The following CCDC73 variants were observed in gnomAD, a reference collection of about 807,000 sequenced individuals.
CCDC73 encodes the protein coiled-coil domain-containing protein 73.
In CCDC73, 95 loss-of-function variants were observed where a neutral mutation model predicts 116.5. That is an observed-to-expected ratio of 0.82 (90% CI 0.69 to 0.97). CCDC73 has a LOEUF of 0.97. Among genes scored for constraint, CCDC73 ranks in the 50% least tolerant of loss-of-function variants. The pLI is 0.00. For missense variants in CCDC73, 1,066 were observed against 1,206.8 expected, an observed-to-expected ratio of 0.88 and a Z score of 1.73; for synonymous variants, 398 against 401.3, an observed-to-expected ratio of 0.99 and a Z score of 0.10.
intron 2 of CCDC73, among the ~76,000 whole-genome samples, chr11:32,719,471 C>A (rs925295084): frequency 6.6e-6 from 1 of 152,056 alleles, no homozygotes. Context: ...CAAATTAGTT[C>A]AAAGACACAC....
chr11:32,606,791 C>T (rs1307145596), intron 17 of CCDC73, among the ~76,000 whole-genome samples: 3 of 145,500 alleles, frequency 2.1e-5, no homozygotes, highest in Non-Finnish European at 4.5e-5. Context: ...GTTAAAAATT[C>T]TATAAAAATA....
intron 13 of CCDC73, among the ~76,000 whole-genome samples, chr11:32,637,943 C>G (rs1341771376): frequency 6.6e-6 from 1 of 152,160 alleles, no homozygotes; most frequent in African/African-American, 2.4e-5. Context: ...TTCTACAGTT[C>G]TCAAATTAAA....
chr11:32,618,122 A>C (rs1855491244), intron 14 of CCDC73, among the ~76,000 whole-genome samples: 1 of 152,020 alleles, frequency 6.6e-6, no homozygotes, highest in Admixed American at 6.6e-5. Flanking sequence ...TTATAAGAAA[A>C]TTGGTCTTTG....
At chr11:32,671,240 G>C (rs1364340363) in intron 9 of CCDC73, among the ~76,000 whole-genome samples, 1 of 151,968 alleles carries the variant, frequency 6.6e-6, no homozygotes, top group African/African-American at 2.4e-5. Flanking sequence ...CTCCTTGAGT[G>C]CTCTGACATT....
intron 2 of CCDC73, among the ~76,000 whole-genome samples, chr11:32,745,646 A>G (rs1029723363): frequency 6.0e-5 from 9 of 150,902 alleles, no homozygotes; most frequent in South Asian, 2.1e-4. Flanking sequence ...TCCCTTTACC[A>G]TTATGTAATG....
At chr11:32,665,102 T>A (rs1321189430) in intron 9 of CCDC73, among the ~76,000 whole-genome samples, 1 of 152,188 alleles carries the variant, frequency 6.6e-6, no homozygotes, top group African/African-American at 2.4e-5. Flanking sequence ...TTGGAATAAG[T>A]GTGATGTGGT....
chr11:32,640,876 G>T (rs919869261), intron 13 of CCDC73, among the ~76,000 whole-genome samples: 2 of 151,994 alleles, frequency 1.3e-5, no homozygotes, highest in Admixed American at 6.6e-5. Flanking sequence ...AATTAGCCGG[G>T]CGTGGTGGCG....
At chr11:32,693,135 A>T (rs1157328850) in intron 6 of CCDC73, among the ~76,000 whole-genome samples, 1 of 152,252 alleles carries the variant, frequency 6.6e-6, no homozygotes, top group Non-Finnish European at 1.5e-5. Context: ...TATGAGCTCC[A>T]TAAGAGAGGG....
At chr11:32,763,631 G>C (rs2133380045) in intron 1 of CCDC73, among the ~76,000 whole-genome samples, 1 of 152,238 alleles carries the variant, frequency 6.6e-6, no homozygotes. Context: ...CATCATCAAA[G>C]ACCAAAGGTA....
At chr11:32,626,578 A>C (rs894374197) in intron 14 of CCDC73, among the ~76,000 whole-genome samples, 1 of 152,216 alleles carries the variant, frequency 6.6e-6, no homozygotes, top group African/African-American at 2.4e-5. Context: ...TTCAAACTAT[A>C]CTACATGGCT....
chr11:32,618,661 T>C (rs984745799), intron 14 of CCDC73, among the ~76,000 whole-genome samples: 5 of 152,194 alleles, frequency 3.3e-5, no homozygotes, highest in Admixed American at 1.3e-4. Context: ...CAAGCAATTC[T>C]CCTGCCTCAG....
chr11:32,707,087 A>G (rs1849862294), intron 3 of CCDC73, among the ~76,000 whole-genome samples: 1 of 152,140 alleles, frequency 6.6e-6, no homozygotes, highest in South Asian at 2.1e-4. Context: ...CTAAACCTCT[A>G]CCTAAGTTTA....
chr11:32,739,739 A>G (rs1216070753), intron 2 of CCDC73, among the ~76,000 whole-genome samples: 1 of 152,120 alleles, frequency 6.6e-6, no homozygotes, highest in Non-Finnish European at 1.5e-5. Context: ...GTTGAATAAC[A>G]GTGGGCATCC....
At chr11:32,825,209 A>C in the CCDC73 span, among the ~76,000 whole-genome samples, 4 of 151,436 alleles carry the variant, frequency 2.6e-5, no homozygotes, top group African/African-American at 9.7e-5. Context: ...CCTGGTTGGT[A>C]TATTTCCTAA....
chr11:32,640,216 G>A (rs530419552), intron 13 of CCDC73, among the ~76,000 whole-genome samples: 3 of 152,102 alleles, frequency 2.0e-5, no homozygotes, highest in Non-Finnish European at 2.9e-5. Context: ...AAATCATAAT[G>A]GAAGCAAAAT....
chr11:32,628,984 A>G (rs1855603232), intron 14 of CCDC73, among the ~76,000 whole-genome samples: 1 of 152,200 alleles, frequency 6.6e-6, no homozygotes, highest in Non-Finnish European at 1.5e-5. Context: ...AACGAACCAA[A>G]TGGAAATTTT....
intron 2 of CCDC73, among the ~76,000 whole-genome samples, chr11:32,734,425 CT>C (rs34093038): frequency 0.032 from 4,253 of 131,330 alleles, 60 homozygotes; most frequent in Non-Finnish European, 0.044. Flanking sequence ...ATTTTTTTTT[CT>C]TTTTTTTTTT....
intron 1 of CCDC73, among the ~76,000 whole-genome samples, chr11:32,762,960 C>A (rs896291490): frequency 9.2e-5 from 14 of 152,314 alleles, no homozygotes; most frequent in African/African-American, 2.9e-4. Flanking sequence ...TATCCTGCGC[C>A]TGGCTCGGAG....
At chr11:32,693,776 A>T (rs1399130228) in intron 6 of CCDC73, among the ~76,000 whole-genome samples, 1 of 152,250 alleles carries the variant, frequency 6.6e-6, no homozygotes. Flanking sequence ...AAATCAATAA[A>T]CGTAATCCAT....
Sources: gnomAD v4.1 joint callset for allele counts (sites outside exome capture counted in the v4.1 genomes callset) on GRCh38, gnomAD v4.1.1 for gene constraint, MANE v1.5 for transcripts, NCBI Gene and HGNC (gene_info 2026-07-23, HGNC 2026-07-21) for gene names.